Variants in ZNF141 observed in about 807,000 individuals in gnomAD.
The protein encoded by ZNF141 is zinc finger protein 141.
ZNF141 carries 7 observed loss-of-function variants against 11.3 expected under a neutral mutation model. That is an observed-to-expected ratio of 0.62 (90% CI 0.35 to 1.16). The LOEUF (loss-of-function observed/expected upper bound fraction) is 1.16, where lower values mean the gene tolerates loss of function less well. Among genes scored for constraint, ZNF141 ranks in the 50% most tolerant of loss-of-function variants. ZNF141 has a pLI of 0.02. For synonymous variants in ZNF141, 183 were observed against 190.7 expected, an observed-to-expected ratio of 0.96 and a Z score of 0.33; for missense variants, 535 against 554.0, an observed-to-expected ratio of 0.97 and a Z score of 0.34.
intron 3 of ZNF141, among the ~76,000 whole-genome samples, chr4:369,729 CTT>C (rs2108649871): frequency 2.3e-5 from 1 of 42,614 alleles, no homozygotes; most frequent in African/African-American, 7.7e-5. Context: ...TGAAAAATTT[CTT>C]AAAGAGATAT....
At chr4:356,960 CT>C (rs1721871216) in intron 3 of ZNF141, among the ~76,000 whole-genome samples, 1 of 151,766 alleles carries the variant, frequency 6.6e-6, no homozygotes. Flanking sequence ...TCAATTTAAC[CT>C]TTTGTTTTGT....
intron 3 of ZNF141, among the ~76,000 whole-genome samples, chr4:356,510 A>G (rs1216196008): frequency 3.3e-5 from 5 of 151,708 alleles, no homozygotes; most frequent in African/African-American, 1.2e-4. Context: ...TATTTTTTGT[A>G]GAGTTGGGGT....
At position 348,379 on chromosome 4, in the gene ZNF141, T is replaced by C. The variant is rs150936873; in HGVS notation, c.226+3949T>C. ...TTTCTTCATGAGTTTTAAGATTTCATGTCTTAATTTCAGTCTTTGTTTTGA... is the reference window on the plus strand; with the variant it reads ...TTTCTTCATGAGTTTTAAGATTTCACGTCTTAATTTCAGTCTTTGTTTTGA... On this transcript the variant is annotated intron_variant, in intron 3 of 3. Transcript: ENST00000240499. Among the ~76,000 whole-genome samples, 6 of 152,294 alleles carry C rather than the reference T, an allele frequency of 3.9e-5. No homozygotes were observed. In the East Asian group the frequency reaches 1.2e-3, roughly 29 times the overall value.
chr4:373,843 A>C lies in ZNF141; in HGVS notation c.1406A>C (p.His469Pro), dbSNP rs781805866. 4 of 1,603,634 alleles carry C rather than the reference A, an allele frequency of 2.5e-6. No homozygotes were observed. Among genetic ancestry groups the C allele is most frequent in the Non-Finnish European group, 3.4e-6 (4 of 1,175,046 alleles). Reference protein sequence around the residue: ...AFKRFSHLNKHKKIHT With the variant: ...AFKRFSHLNKPKKIHT ...AAACGGTTCTCACACCTGAATAAAC[A>C]TAAGAAAATTCATACTTGAGAGAAA... The change falls in exon 4 of 4, where the codon CAT becomes CCT. Residue 469 changes from histidine to proline, a missense_variant. By Grantham distance (77) the His-to-Pro change is moderately conservative. Coordinates refer to ENST00000240499, the MANE Select transcript of ZNF141 (RefSeq NM_003441.4).
At chr4:363,039 C>T (rs1158134731) in intron 3 of ZNF141, among the ~76,000 whole-genome samples, 2 of 152,132 alleles carry the variant, frequency 1.3e-5, no homozygotes, top group African/African-American at 4.8e-5. Context: ...TTGTTTGCGT[C>T]CTCTTTTATT....
rs1304234655 is a variant in ZNF141 at position 379,953 on chromosome 4, A to G, written c.*6091A>G. Among the ~76,000 whole-genome samples the G allele has an allele frequency of 6.6e-6, 1 of 152,234 alleles. No homozygotes were observed. The highest frequency in any genetic ancestry group is 2.4e-5 in the African/African-American group (1 of 41,458). On this transcript the variant is annotated 3_prime_UTR_variant, in exon 4 of 4. Transcript: ENST00000240499. Reference sequence around the variant, plus strand: ...CTGTGTTAGCATTTTCCAAAAATACATTATTGTTAACTGTAGTCACCATGC... The same window carrying G: ...CTGTGTTAGCATTTTCCAAAAATACGTTATTGTTAACTGTAGTCACCATGC...
chr4:348,034 C>T (rs1194172276), intron 3 of ZNF141, among the ~76,000 whole-genome samples: 3 of 151,574 alleles, frequency 2.0e-5, no homozygotes, highest in African/African-American at 4.8e-5. Context: ...TTAGTAGAGA[C>T]GAGGTTTCAC....
Position 374,201 on chromosome 4 carries a change from G to T in ZNF141, c.*339G>T. ...AACATAAGAAAAATCATGCTGGAGGGAAGCCCTACACATGTGGCAGAATGT... is the reference window on the plus strand; with the variant it reads ...AACATAAGAAAAATCATGCTGGAGGTAAGCCCTACACATGTGGCAGAATGT... On this transcript the variant is annotated 3_prime_UTR_variant, in exon 4 of 4. Coordinates refer to ENST00000240499, the MANE Select transcript of ZNF141 (RefSeq NM_003441.4). 3.1e-6 allele frequency: 1 copy of T among 318,032 alleles called. No individual in the cohort carries two copies. 19.7% of individuals were successfully genotyped at this position (318,032 alleles called of 1,614,324 possible).
In ZNF141 at chr4:361,867, AT is replaced by A. The variant is rs559397993; in HGVS notation, c.227-10794del. 5.8e-3 allele frequency among the ~76,000 whole-genome samples: 890 copies of A among 152,318 alleles called. 11 individuals carry two copies. The highest frequency in any genetic ancestry group is 0.019 in the African/African-American group (805 of 41,566). On this transcript the variant is annotated intron_variant, in intron 3 of 3. Transcript: ENST00000240499. ...GTGCATGTGTCTTTATAGCAGCATG[AT>A]TTATAGTCCTTTGGGTATATACCCA...
At chr4:344,039 T>A in intron 2 of ZNF141, 131 bp downstream of exon 2, 2 of 1,294,766 alleles carry the variant, frequency 1.5e-6, no homozygotes, top group Non-Finnish European at 2.1e-6. Flanking sequence ...CTAATTTGAG[T>A]CCTTCACTCT....
chr4:344,924 T>A (rs1721249459), intron 3 of ZNF141, among the ~76,000 whole-genome samples: 1 of 152,226 alleles, frequency 6.6e-6, no homozygotes, highest in Admixed American at 6.5e-5. Context: ...TGCTGTTAAA[T>A]CCAAGAATTC....
At chr4:352,034 A>G (rs903284992) in intron 3 of ZNF141, among the ~76,000 whole-genome samples, 3 of 152,198 alleles carry the variant, frequency 2.0e-5, no homozygotes, top group Non-Finnish European at 4.4e-5. Flanking sequence ...ACCTGAAGTC[A>G]TCTCCAAAAT....
chr4:369,505 G>A (rs1711918730), intron 3 of ZNF141, among the ~76,000 whole-genome samples: 1 of 151,648 alleles, frequency 6.6e-6, no homozygotes, highest in East Asian at 1.9e-4. Context: ...TTTGGTGCAT[G>A]TATTTTGAAT....
At chr4:352,326 G>A (rs2108696585) in intron 3 of ZNF141, among the ~76,000 whole-genome samples, 1 of 152,336 alleles carries the variant, frequency 6.6e-6, no homozygotes, top group African/African-American at 2.4e-5. Context: ...GGCGGAGGCT[G>A]CAGTGAGCCA....
At chr4:358,306 G>A (rs782607818) in intron 3 of ZNF141, 7 of 355,180 alleles carry the variant, frequency 2.0e-5, no homozygotes, top group African/African-American at 4.6e-5. Flanking sequence ...TCCTGCCTCC[G>A]CCTCCCAAGT....
chr4:354,814 G>A (rs1429663037), intron 3 of ZNF141, among the ~76,000 whole-genome samples: 1 of 151,946 alleles, frequency 6.6e-6, no homozygotes, highest in African/African-American at 2.4e-5. Context: ...GAAGCATGTT[G>A]TTTAATATCC....
At chr4:372,251 T>C (rs60382638) in intron 3 of ZNF141, among the ~76,000 whole-genome samples, 3,587 of 152,286 alleles carry the variant, frequency 0.024, 143 homozygotes, top group African/African-American at 0.081. Flanking sequence ...AGAAACCAGG[T>C]TTTGTAAAGA....
chr4:366,937 G>C (rs1183769343), intron 3 of ZNF141, among the ~76,000 whole-genome samples: 1 of 152,242 alleles, frequency 6.6e-6, no homozygotes, highest in Non-Finnish European at 1.5e-5. Context: ...CAAAATGCTA[G>C]GATTACAGGC....
At chr4:357,933 A>G (rs1452672899) in intron 3 of ZNF141, among the ~76,000 whole-genome samples, 3 of 151,304 alleles carry the variant, frequency 2.0e-5, no homozygotes, top group Non-Finnish European at 2.9e-5. Context: ...GTTGGCCAGG[A>G]TGGTCTCGAT....
Sources: gnomAD v4.1 joint callset for allele counts (sites outside exome capture counted in the v4.1 genomes callset) on GRCh38, gnomAD v4.1.1 for gene constraint, MANE v1.5 for transcripts, NCBI Gene and HGNC (gene_info 2026-07-23, HGNC 2026-07-21) for gene names.